The following UPF2 variants were observed in gnomAD, a reference collection of about 807,000 sequenced individuals.
UPF2 encodes the protein regulator of nonsense transcripts 2.
Under a neutral mutation model 141.4 loss-of-function variants are expected in UPF2, and 17 were observed. The ratio of observed to expected loss-of-function variants is 0.12; its 90% CI spans 0.08 to 0.18. UPF2 has a LOEUF of 0.18. Ranked by LOEUF, UPF2 falls within the 10% of genes least tolerant of loss-of-function variation. UPF2 has a pLI of 1.00. For synonymous variants in UPF2, 540 were observed against 498.0 expected, an observed-to-expected ratio of 1.08 and a Z score of -1.12; for missense variants, 1,152 against 1,515.9, an observed-to-expected ratio of 0.76 and a Z score of 3.99.
chr10:11,994,781 C>T (rs1833837688), intron 8 of UPF2, among the ~76,000 whole-genome samples: 1 of 151,842 alleles, frequency 6.6e-6, no homozygotes, highest in Admixed American at 6.6e-5. Flanking sequence ...TCGAAACCAT[C>T]CTGGCTAACA....
At chr10:11,942,615 TG>T in intron 18 of UPF2, 49 bp downstream of exon 18, 1 of 1,543,568 alleles carries the variant, frequency 6.5e-7, no homozygotes, top group Non-Finnish European at 8.9e-7. Flanking sequence ...TGTAATGGGC[TG>T]CAATGTTTTG....
intron 2 of UPF2, among the ~76,000 whole-genome samples, chr10:12,030,543 A>AAATAATAATAAT (rs141050401): frequency 6.7e-6 from 1 of 148,920 alleles, no homozygotes; most frequent in Non-Finnish European, 1.5e-5. Flanking sequence ...CTGCCTCAAA[A>AAATAATAATAAT]AATAATAATA....
chr10:11,972,032 C>A (rs12146284), intron 9 of UPF2, among the ~76,000 whole-genome samples: 1 of 146,606 alleles, frequency 6.8e-6, no homozygotes, highest in Non-Finnish European at 1.5e-5. Flanking sequence ...CCACTGTACT[C>A]TGGCCCGGAT....
chr10:11,987,309 C>T (rs1295903446), intron 8 of UPF2, among the ~76,000 whole-genome samples: 1 of 152,168 alleles, frequency 6.6e-6, no homozygotes, highest in Non-Finnish European at 1.5e-5. Context: ...CACATGGACC[C>T]TTGCACTTAA....
In UPF2 at chr10:12,042,529, A is replaced by G. The variant is rs539323351; in HGVS notation, c.-19+226T>C. Among the ~76,000 whole-genome samples, 6 of 151,982 alleles carry G rather than the reference A, an allele frequency of 3.9e-5. No homozygotes were observed. The South Asian group carries it at 1.2e-3, about 32-fold the overall frequency. ...GCACCTCCTCCACCGCCCCCCAAGC[A>G]TGGCCCGGCCCGGGGGCTCCCGCGT... On this transcript the variant is annotated intron_variant, in intron 1 of 21. Coordinates refer to ENST00000357604, the MANE Select transcript of UPF2 (RefSeq NM_015542.4). The surrounding 1 kb of genome is among the most constrained non-coding windows in gnomAD (Gnocchi z 5.5).
At position 12,014,279 on chromosome 10, in the gene UPF2, T is replaced by G; in HGVS notation, c.1146-95A>C. 8.5e-7 allele frequency: 1 copy of G among 1,183,106 alleles called. No homozygotes were observed. The highest frequency in any genetic ancestry group is 3.6e-5 in the Admixed American group (1 of 28,160). The allele number at this position is 1,183,106 out of a possible 1,614,324, so 73.3% of individuals were successfully genotyped here. The stretch of plus-strand genomic sequence containing the variant: ...AACATTCCATAATTTGATTTTCTCA[T>G]ACAAATTTAGTAAAATCTTCATTTT... On this transcript the variant is annotated intron_variant, in intron 3 of 21. Coordinates refer to ENST00000357604, the MANE Select transcript of UPF2 (RefSeq NM_015542.4). The surrounding 1 kb of genome is among the most constrained non-coding windows in gnomAD (Gnocchi z 5.0).
chr10:12,003,578 T>C (rs1419853772), intron 5 of UPF2, among the ~76,000 whole-genome samples: 1 of 152,132 alleles, frequency 6.6e-6, no homozygotes, highest in African/African-American at 2.4e-5. Context: ...ATATTCCAAG[T>C]ACATGTAAAG....
chr10:12,005,454 C>T (rs1434011373), intron 4 of UPF2, among the ~76,000 whole-genome samples: 1 of 152,176 alleles, frequency 6.6e-6, no homozygotes, highest in Non-Finnish European at 1.5e-5. Context: ...GTTTAATGCA[C>T]AGTTACAACA....
At position 11,920,989 on chromosome 10, in the gene UPF2, C is replaced by A. The variant is rs1430192329; in HGVS notation, c.*309G>T. ...GCTCAATCATCTCCTTCACGCTCTC[C>A]TTGGTGTAACTGCTCAGTAGTCAAG... On this transcript the variant is annotated 3_prime_UTR_variant, in exon 22 of 22. Coordinates refer to ENST00000357604, the MANE Select transcript of UPF2 (RefSeq NM_015542.4). 4.8e-6 allele frequency: 3 copies of A among 624,108 alleles called. No individual in the cohort carries two copies. Among genetic ancestry groups the A allele is most frequent in the Non-Finnish European group, 6.3e-6 (2 of 319,476 alleles). 38.7% of individuals were successfully genotyped at this position (624,108 alleles called of 1,614,324 possible). A position where few individuals can be genotyped will look rare whatever the true frequency, so the allele number is the denominator to read the frequency against.
At position 12,014,007 on chromosome 10, in the gene UPF2, T is replaced by G. The variant is rs779151180; in HGVS notation, c.1306+17A>C. On this transcript the variant is annotated intron_variant, in intron 4 of 21. Transcript: ENST00000357604. The surrounding 1 kb of genome is among the most constrained non-coding windows in gnomAD (Gnocchi z 5.0). Reference sequence around the variant, plus strand: ...CTTACAGAAAACACAATGTTTGTTTTTAAGGATATCTCTTACCTTCTGGTG... The same window carrying G: ...CTTACAGAAAACACAATGTTTGTTTGTAAGGATATCTCTTACCTTCTGGTG... 2 of 1,509,564 alleles carry G rather than the reference T, an allele frequency of 1.3e-6. No individual in the cohort carries two copies. The highest frequency in any genetic ancestry group is 2.8e-5 in the African/African-American group (2 of 71,458). The allele number at this position is 1,509,564 out of a possible 1,614,324, so 93.5% of individuals were successfully genotyped here. A position where few individuals can be genotyped will look rare whatever the true frequency, so the allele number is the denominator to read the frequency against.
At chr10:12,035,470 T>C (rs576615390) in intron 1 of UPF2, 29 bp from the exon 2 acceptor site, 68 of 1,478,208 alleles carry the variant, frequency 4.6e-5, no homozygotes, top group South Asian at 1.2e-4. Flanking sequence ...GTCAGTACCA[T>C]AGATGCAGTG....
chr10:11,934,017 T>C (rs935855703), intron 19 of UPF2, among the ~76,000 whole-genome samples: 7 of 152,176 alleles, frequency 4.6e-5, no homozygotes, highest in Non-Finnish European at 7.3e-5. Flanking sequence ...GATATGTGCA[T>C]GTGTGCATGC....
intron 4 of UPF2, among the ~76,000 whole-genome samples, chr10:12,009,471 A>T (rs1045106868): frequency 1.3e-5 from 2 of 152,250 alleles, no homozygotes; most frequent in African/African-American, 4.8e-5. Context: ...GGACAATGTA[A>T]GCCTCTTCTG....
rs749393383 is a variant in UPF2, at chr10:11,964,075, C to A, written c.2118G>T (p.Leu706=). The A allele has an allele frequency of 1.1e-5, 18 of 1,613,858 alleles. No individual in the cohort carries two copies. The highest frequency in any genetic ancestry group is 1.4e-5 in the Non-Finnish European group (17 of 1,179,956). ...SHHHIEMACT[L]LETCGRFLFR... ...AAAGAAACCGTCCACATGTCTCCAG[C>A]AGGGTGCATGCCATTTCAATATGGT... Residue 706 remains leucine (L), a synonymous_variant, in exon 11 of 22, where the codon CTG becomes CTT. Transcript: ENST00000357604.
intron 9 of UPF2, among the ~76,000 whole-genome samples, chr10:11,975,237 G>T (rs1446123016): frequency 6.6e-6 from 1 of 152,002 alleles, no homozygotes; most frequent in South Asian, 2.1e-4. Context: ...CTCCACCTTG[G>T]GTGACAGAGT....
At chr10:11,949,673 G>T (rs932907906) in intron 15 of UPF2, among the ~76,000 whole-genome samples, 17 of 152,142 alleles carry the variant, frequency 1.1e-4, no homozygotes, top group African/African-American at 3.9e-4. Flanking sequence ...AATCTTAGAG[G>T]ATTCAAGCAG....
chr10:12,022,303 T>A (rs1427042077), intron 3 of UPF2, among the ~76,000 whole-genome samples: 1 of 151,648 alleles, frequency 6.6e-6, no homozygotes, highest in African/African-American at 2.4e-5. Flanking sequence ...TCCCAGCGAC[T>A]TGGGAGGCTG....
At position 11,939,212 on chromosome 10, in the gene UPF2, A is replaced by G. The variant is rs1832905600; in HGVS notation, c.3379-2500T>C. On this transcript the variant is annotated intron_variant, in intron 18 of 21. Transcript: ENST00000357604. This position sits in a 1 kb window ranked among gnomAD's most constrained non-coding sequence, Gnocchi z 4.8. ...TTCCAAGCCTCTGTTTCTTTAGCTA[A>G]AGCAAAGGAATACTAACAGTATCTG... is the stretch of plus-strand genomic sequence containing the variant. Among the ~76,000 whole-genome samples, 2 of 152,068 alleles carry G rather than the reference A, an allele frequency of 1.3e-5. No individual in the cohort carries two copies. Among genetic ancestry groups the G allele is most frequent in the Admixed American group, 6.6e-5 (1 of 15,262 alleles).
intron 3 of UPF2, among the ~76,000 whole-genome samples, chr10:12,020,510 C>T (rs1262855319): frequency 6.6e-6 from 1 of 152,104 alleles, no homozygotes; most frequent in African/African-American, 2.4e-5. Context: ...CTCAGCCAAG[C>T]TACTAAAGTT....
Sources: gnomAD v4.1 joint callset for allele counts (sites outside exome capture counted in the v4.1 genomes callset) on GRCh38, gnomAD v4.1.1 for gene constraint, Gnocchi (gnomAD v3.1) non-coding constraint, MANE v1.5 for transcripts, NCBI Gene and HGNC (gene_info 2026-07-23, HGNC 2026-07-21) for gene names.